DPYD: variants seen among roughly 807,000 people sequenced by gnomAD.
The protein encoded by DPYD is dihydropyrimidine dehydrogenase [NADP(+)].
In DPYD, 109 loss-of-function variants were observed where a neutral mutation model predicts 116.2. That is an observed-to-expected ratio of 0.94 (90% confidence interval 0.80 to 1.10). DPYD has a LOEUF of 1.10. DPYD is among the 50% of genes least tolerant of loss of function. The pLI is 0.00. For synonymous variants in DPYD, 440 were observed against 432.0 expected (o/e 1.02, Z -0.23); for missense variants, 1,302 against 1,254.5 (o/e 1.04, Z -0.57).
At chr1:97,833,292 T>C in intron 2 of DPYD, among the ~76,000 whole-genome samples, 1 of 151,766 alleles carries the variant, frequency 6.6e-6, no homozygotes, top group Non-Finnish European at 1.5e-5. Flanking sequence ...GAAAAAAAAA[T>C]CTTGAAAATC....
At chr1:97,560,128 ATAAATCACAAGG>A in intron 11 of DPYD, among the ~76,000 whole-genome samples, 1 of 152,184 alleles carries the variant, frequency 6.6e-6, no homozygotes, top group Non-Finnish European at 1.5e-5. Flanking sequence ...TTGGGATCAA[ATAAATCACAAGG>A]CTGGGTAAAG....
chr1:97,340,695 A>G (rs897578664), intron 16 of DPYD, among the ~76,000 whole-genome samples: 2 of 152,096 alleles, frequency 1.3e-5, no homozygotes, highest in African/African-American at 4.8e-5. Context: ...AAGAAAATAA[A>G]AACACAACAA....
intron 2 of DPYD, among the ~76,000 whole-genome samples, chr1:97,846,980 G>C (rs1350102520): frequency 6.6e-6 from 1 of 152,164 alleles, no homozygotes; most frequent in Non-Finnish European, 1.5e-5. Context: ...TGGAGGGAGG[G>C]ATGGCTGCCC....
At chr1:97,565,590 T>C (rs2102150019) in intron 11 of DPYD, among the ~76,000 whole-genome samples, 1 of 152,314 alleles carries the variant, frequency 6.6e-6, no homozygotes, top group South Asian at 2.1e-4. Flanking sequence ...CCCATACTTT[T>C]GTATATGATG....
intron 5 of DPYD, among the ~76,000 whole-genome samples, chr1:97,702,027 C>T (rs1001283639): frequency 1.3e-5 from 2 of 151,686 alleles, no homozygotes; most frequent in Non-Finnish European, 3.0e-5. Flanking sequence ...TGTTCCTGCT[C>T]TTCCCTGTGC....
At chr1:97,596,027 A>G (rs2102262360) in intron 8 of DPYD, among the ~76,000 whole-genome samples, 1 of 152,230 alleles carries the variant, frequency 6.6e-6, no homozygotes, top group East Asian at 1.9e-4. Context: ...TCTTAAGAAA[A>G]TACTGACACA....
chr1:97,484,560 T>C (rs1467863766), intron 13 of DPYD, among the ~76,000 whole-genome samples: 1 of 152,150 alleles, frequency 6.6e-6, no homozygotes, highest in African/African-American at 2.4e-5. Context: ...TCTTCTCATT[T>C]TATATTGTTG....
chr1:97,170,835 C>T (rs1161811504), intron 20 of DPYD, among the ~76,000 whole-genome samples: 2 of 151,964 alleles, frequency 1.3e-5, no homozygotes, highest in African/African-American at 4.8e-5. Flanking sequence ...GCCACCACAC[C>T]CAGTTAATTT....
intron 6 of DPYD, 47 bp downstream of exon 6, chr1:97,699,304 C>G: frequency 6.4e-7 from 1 of 1,562,832 alleles, no homozygotes; most frequent in Middle Eastern, 1.7e-4. Context: ...AATTGTTTTG[C>G]TCCATCATTT....
chr1:97,440,331 A>AT, intron 14 of DPYD, among the ~76,000 whole-genome samples: 1 of 151,312 alleles, frequency 6.6e-6, no homozygotes, highest in Non-Finnish European at 1.5e-5. Flanking sequence ...GACCATTTAC[A>AT]TTTTTCATGA....
chr1:97,149,261 T>A (rs961611312), intron 20 of DPYD, among the ~76,000 whole-genome samples: 3 of 152,166 alleles, frequency 2.0e-5, no homozygotes, highest in African/African-American at 7.2e-5. Flanking sequence ...TAACTTTTTT[T>A]ATTTTTTTGT....
chr1:97,579,795 A>C (rs1653513271), intron 10 of DPYD, among the ~76,000 whole-genome samples: 1 of 152,152 alleles, frequency 6.6e-6, no homozygotes, highest in Non-Finnish European at 1.5e-5. Context: ...TCCACCAATA[A>C]AGTAGTAAGC....
At chr1:97,307,590 CT>C (rs985580463) in intron 16 of DPYD, among the ~76,000 whole-genome samples, 45 of 151,896 alleles carry the variant, frequency 3.0e-4, no homozygotes, top group Admixed American at 9.2e-4. Flanking sequence ...AAACTTAATA[CT>C]TTTAAAAAGA....
At chr1:97,197,013 CA>C (rs1483871855) in intron 19 of DPYD, among the ~76,000 whole-genome samples, 1 of 151,930 alleles carries the variant, frequency 6.6e-6, no homozygotes, top group African/African-American at 2.4e-5. Context: ...AGTAACAAGC[CA>C]AAACCAAAAA....
Position 97,693,152 on chromosome 1 carries a change from A to G in DPYD, c.681-1354T>C, listed in dbSNP as rs369787550. Among the ~76,000 whole-genome samples, 151 of 151,864 alleles carry G rather than the reference A, an allele frequency of 9.9e-4. 1 individual carries two copies. In the East Asian group the frequency reaches 0.026, roughly 26 times the overall value. On this transcript the variant is annotated intron_variant, in intron 6 of 22. Coordinates refer to ENST00000370192, the MANE Select transcript of DPYD (RefSeq NM_000110.4). ...AAAAATACAAAAAAATTAGCCAGGC[A>G]TAGTGGCGGGCACCTGTAGTCCCAG...
intron 1 of DPYD, among the ~76,000 whole-genome samples, chr1:97,909,482 T>C (rs140982156): frequency 3.3e-5 from 5 of 152,230 alleles, no homozygotes; most frequent in East Asian, 3.9e-4. Context: ...CTCCAGCATT[T>C]CCCAATGCCA....
intron 11 of DPYD, among the ~76,000 whole-genome samples, chr1:97,557,732 G>A (rs967338291): frequency 6.6e-6 from 1 of 152,120 alleles, no homozygotes; most frequent in Admixed American, 6.5e-5. Context: ...TCCATCCAAT[G>A]AAAATTTTAT....
chr1:97,918,223 T>C (rs968316317), intron 1 of DPYD, among the ~76,000 whole-genome samples: 6 of 152,218 alleles, frequency 3.9e-5, no homozygotes, highest in Non-Finnish European at 7.3e-5. Flanking sequence ...ATTTTTGTCC[T>C]TTTTCCCAAC....
chr1:97,548,714 C>T (rs1557789981), intron 12 of DPYD, among the ~76,000 whole-genome samples: 2 of 152,044 alleles, frequency 1.3e-5, no homozygotes, highest in African/African-American at 4.8e-5. Flanking sequence ...CCAGCCTGGG[C>T]ATTAGAGCGA....
Sources: gnomAD v4.1 joint callset for allele counts (sites outside exome capture counted in the v4.1 genomes callset) on GRCh38, gnomAD v4.1.1 for gene constraint, MANE v1.5 for transcripts, NCBI Gene and HGNC (gene_info 2026-07-23, HGNC 2026-07-21) for gene names.